The following PDGFRA variants were observed in gnomAD, a reference collection of about 807,000 sequenced individuals.
The protein encoded by PDGFRA is platelet-derived growth factor receptor alpha.
In PDGFRA, 25 loss-of-function variants were observed where a neutral mutation model predicts 121.5. The observed-to-expected ratio is 0.21, with a 90% CI of 0.15 to 0.29. The LOEUF (loss-of-function observed/expected upper bound fraction) is 0.29. Among genes scored for constraint, PDGFRA ranks in the 10% least tolerant of loss-of-function variants. The pLI, the probability that PDGFRA is intolerant of heterozygous loss-of-function variation, is 1.00. For missense variants in PDGFRA, 1,008 were observed against 1,345.1 expected (o/e 0.75, Z 3.92); for synonymous variants, 463 against 494.8 (o/e 0.94, Z 0.85).
At chr4:54,242,236 A>G (rs568889414) in intron 1 of PDGFRA, among the ~76,000 whole-genome samples, 1 of 152,066 alleles carries the variant, frequency 6.6e-6, no homozygotes, top group African/African-American at 2.4e-5. Context: ...GTCTCCATCG[A>G]CAGCTTCTGA....
intron 1 of PDGFRA, among the ~76,000 whole-genome samples, chr4:54,237,324 T>C (rs1721072862): frequency 6.6e-6 from 1 of 152,144 alleles, no homozygotes; most frequent in African/African-American, 2.4e-5. Context: ...GGGTCCACTG[T>C]ATCTGGAGGC....
Position 54,263,869 on chromosome 4 carries a change from G to A in PDGFRA, c.570G>A (p.Glu190=), listed in dbSNP as rs267600184. Residue 190 remains glutamate, a synonymous_variant, in exon 4 of 23, where the codon GAG becomes GAA. Transcript: ENST00000257290. Reference sequence around the variant, plus strand: ...TCACTGTAGGGCCCTATATCTGTGAGGCCACCGTCAAAGGAAAGAAGTTCC... The same window carrying A: ...TCACTGTAGGGCCCTATATCTGTGAAGCCACCGTCAAAGGAAAGAAGTTCC... ...GTFTVGPYIC[E]ATVKGKKFQT... The A allele has an allele frequency of 6.2e-7, 1 of 1,614,022 alleles. No homozygotes were observed.
rs1360565030 is a variant in PDGFRA at position 54,263,787 on chromosome 4, A to T, written c.488A>T (p.Asn163Ile). 1 of 1,614,134 alleles carries T rather than the reference A, an allele frequency of 6.2e-7. No homozygotes were observed. The highest frequency in any genetic ancestry group is 8.5e-7 in the Non-Finnish European group (1 of 1,180,012). Reference protein sequence around the residue: ...TDPETPVTLHNSEGVVPASYD... With the variant: ...TDPETPVTLHISEGVVPASYD... ...CCCGAGACTCCTGTAACCTTACACA[A>T]CAGTGAGGGGGTGGTACCTGCCTCC... Residue 163 changes from asparagine (N) to isoleucine (I), a missense_variant, in exon 4 of 23, where the codon AAC becomes ATC. Asn to Ile is a moderately radical substitution (Grantham distance 149). Transcript: ENST00000257290.
chr4:54,289,002 C>T lies in PDGFRA; in HGVS notation c.2775-7C>T. 6.3e-7 allele frequency: 1 copy of T among 1,594,030 alleles called. No individual in the cohort carries two copies. Among genetic ancestry groups the T allele is most frequent in the Non-Finnish European group, 8.6e-7 (1 of 1,161,760 alleles). On this transcript the variant is annotated splice_region_variant and splice_polypyrimidine_tract_variant and intron_variant, in intron 20 of 22. Transcript: ENST00000257290. The stretch of plus-strand genomic sequence containing the variant: ...CCTGTGCCCACTCTTGAGTTCTGTC[C>T]CCACAGCTACGAGATCATGGTGAAA...
intron 7 of PDGFRA, among the ~76,000 whole-genome samples, chr4:54,268,534 C>T (rs1192364760): frequency 6.6e-6 from 1 of 152,172 alleles, no homozygotes; most frequent in Non-Finnish European, 1.5e-5. Flanking sequence ...AAAGTCAGTC[C>T]TGTATTTCAA....
At chr4:54,261,898 C>CATATATATATAT (rs397880252) in intron 3 of PDGFRA, among the ~76,000 whole-genome samples, 8 of 95,310 alleles carry the variant, frequency 8.4e-5, no homozygotes, top group African/African-American at 3.3e-4. Flanking sequence ...AAAAAAGTTA[C>CATATATATATAT]ATATATATAT....
At chr4:54,245,921 C>G (rs1254707487) in intron 1 of PDGFRA, among the ~76,000 whole-genome samples, 1 of 151,974 alleles carries the variant, frequency 6.6e-6, no homozygotes, top group African/African-American at 2.4e-5. Context: ...ATCCTAGTCT[C>G]TGATAAAACA....
At position 54,288,917 on chromosome 4, in the gene PDGFRA, C is replaced by T. The variant is rs369660221; in HGVS notation, c.2774+19C>T. 6.4e-7 allele frequency: 1 copy of T among 1,567,240 alleles called. No homozygotes were observed. The highest frequency in any genetic ancestry group is 8.8e-7 in the Non-Finnish European group (1 of 1,137,056). ...GTGAAGTGTGAGCTCCTTCCCCATC[C>T]CGGGGGCCTGTGTTCACAGTCTGTG... On this transcript the variant is annotated intron_variant, in intron 20 of 22. Coordinates refer to ENST00000257290, the MANE Select transcript of PDGFRA (RefSeq NM_006206.6).
intron 1 of PDGFRA, among the ~76,000 whole-genome samples, chr4:54,253,162 T>C (rs539194162): frequency 2.0e-5 from 3 of 152,180 alleles, no homozygotes; most frequent in East Asian, 1.9e-4. Flanking sequence ...CAGGGCAAGT[T>C]ATGTGGCTTC....
At position 54,260,397 on chromosome 4, in the gene PDGFRA, G is replaced by GTT. The variant is rs68009440; in HGVS notation, c.50-670_50-669dup. 2.5e-3 allele frequency among the ~76,000 whole-genome samples: 163 copies of GTT among 64,610 alleles called. 9 individuals carry two copies. Among genetic ancestry groups the GTT allele is most frequent in the Non-Finnish European group, 3.7e-3 (131 of 35,042 alleles). 42.4% of individuals were successfully genotyped at this position (64,610 alleles called of 152,430 possible). A position where few individuals can be genotyped will look rare whatever the true frequency, so the allele number is the denominator to read the frequency against. On this transcript the variant is annotated intron_variant, in intron 2 of 22. Coordinates refer to ENST00000257290, the MANE Select transcript of PDGFRA (RefSeq NM_006206.6). ...TTGCCTCCATTCTTATTCCATGTGGGTTTTTTTTTTTTTTTTTTTTTTTTT... is the reference window on the plus strand; with the variant it reads ...TTGCCTCCATTCTTATTCCATGTGGGTTTTTTTTTTTTTTTTTTTTTTTTTTT...
At chr4:54,240,716 G>C (rs1179118030) in intron 1 of PDGFRA, among the ~76,000 whole-genome samples, 1 of 152,226 alleles carries the variant, frequency 6.6e-6, no homozygotes, top group African/African-American at 2.4e-5. Flanking sequence ...AGGGACAGTG[G>C]TGAGTCCCAG....
chr4:54,289,643 C>G (rs1389756978), intron 21 of PDGFRA, among the ~76,000 whole-genome samples: 2 of 152,178 alleles, frequency 1.3e-5, no homozygotes, highest in African/African-American at 2.4e-5. Context: ...ACCTCAGTTT[C>G]TTAGATTGAG....
chr4:54,263,377 G>C (rs1170241224), intron 3 of PDGFRA, among the ~76,000 whole-genome samples: 2 of 151,996 alleles, frequency 1.3e-5, no homozygotes, highest in Non-Finnish European at 2.9e-5. Flanking sequence ...CTCCCACCTT[G>C]GCTTCCCAAA....
chr4:54,279,160 C>G (rs4241984), intron 15 of PDGFRA, among the ~76,000 whole-genome samples: 3 of 152,226 alleles, frequency 2.0e-5, no homozygotes, highest in Non-Finnish European at 2.9e-5. Flanking sequence ...ACAGACTTAA[C>G]GTAGTGAATT....
At chr4:54,237,254 G>A (rs1450287419) in intron 1 of PDGFRA, among the ~76,000 whole-genome samples, 1 of 152,172 alleles carries the variant, frequency 6.6e-6, no homozygotes, top group African/African-American at 2.4e-5. Context: ...ACAGATGTGA[G>A]CCACCACGCC....
intron 16 of PDGFRA, chr4:54,281,528 A>C: frequency 8.2e-7 from 1 of 1,225,784 alleles, no homozygotes; most frequent in East Asian, 4.0e-5. Context: ...TATCGGAACC[A>C]GTACTTCCTC....
chr4:54,275,437 A>G (rs144872901), intron 12 of PDGFRA, among the ~76,000 whole-genome samples: 54 of 152,372 alleles, frequency 3.5e-4, no homozygotes, highest in African/African-American at 1.3e-3. Context: ...GAGGCAAAAT[A>G]TGTAAAAATA....
intron 1 of PDGFRA, chr4:54,240,007 C>T (rs944157458): frequency 6.0e-5 from 25 of 414,376 alleles, no homozygotes; most frequent in African/African-American, 2.9e-4. Flanking sequence ...TGCACCACCA[C>T]GCCTGGCTAA....
At chr4:54,254,905 G>A (rs755665123) in intron 1 of PDGFRA, among the ~76,000 whole-genome samples, 48 of 152,182 alleles carry the variant, frequency 3.2e-4, no homozygotes, top group South Asian at 8.3e-4. Flanking sequence ...CTGCTATGAG[G>A]AGCAGAGAGG....
Sources: gnomAD v4.1 joint callset for allele counts (sites outside exome capture counted in the v4.1 genomes callset) on GRCh38, gnomAD v4.1.1 for gene constraint, MANE v1.5 for transcripts, NCBI Gene and HGNC (gene_info 2026-07-23, HGNC 2026-07-21) for gene names.